Variants in PRDM10 observed in about 807,000 individuals in gnomAD.
PRDM10 encodes the protein PR domain zinc finger protein 10.
A neutral mutation model predicts 133.1 loss-of-function variants in PRDM10; 65 were observed. The observed-to-expected ratio is 0.49, with a 90% CI of 0.40 to 0.60. The LOEUF (loss-of-function observed/expected upper bound fraction) is 0.60. Among genes scored for constraint, PRDM10 ranks in the 20% least tolerant of loss-of-function variants. The pLI is 0.00. For synonymous variants in PRDM10, 582 were observed against 580.4 expected (o/e 1.00, Z -0.04); for missense variants, 1,137 against 1,507.1 (o/e 0.75, Z 4.07).
In PRDM10 at chr11:129,917,156, G is replaced by A. The variant is rs1162981735; in HGVS notation, c.2296C>T (p.Arg766Cys). Reference sequence around the variant, plus strand: ...TCGCAATACTGACAAAAGTAATCACGATTGGGTTTTATGATGGGTAGAGTT... The same window carrying A: ...TCGCAATACTGACAAAAGTAATCACAATTGGGTTTTATGATGGGTAGAGTT... The part of the protein sequence containing the change: ...ELTLPIIKPN[R>C]DYFCQYCDKV... The change falls in exon 15 of 21, where the codon CGT becomes TGT. Residue 766 changes from arginine to cysteine, a missense_variant. By Grantham distance (180) the Arg-to-Cys change is radical. Around this residue, in one of 6 missense-constraint regions of PRDM10, gnomAD observed 65 missense variants for 151.1 expected, o/e 0.43. Coordinates refer to ENST00000360871, the MANE Select transcript of PRDM10 (RefSeq NM_199437.2). 3.7e-6 allele frequency: 6 copies of A among 1,612,906 alleles called. No individual in the cohort carries two copies. The highest frequency in any genetic ancestry group is 1.7e-5 in the Admixed American group (1 of 59,970).
At chr11:129,925,255 AT>A (rs1373060245) in intron 11 of PRDM10, 26 bp from the exon 12 acceptor site, 1 of 1,562,544 alleles carries the variant, frequency 6.4e-7, no homozygotes, top group African/African-American at 1.4e-5. Flanking sequence ...AAATGTGATC[AT>A]TTAGTGATGA....
intron 1 of PRDM10, among the ~76,000 whole-genome samples, chr11:129,968,959 A>G (rs1176631686): frequency 1.3e-5 from 2 of 152,178 alleles, no homozygotes; most frequent in Non-Finnish European, 2.9e-5. Flanking sequence ...CAGTGGAAAA[A>G]CCTCAAGGCA....
intron 6 of PRDM10, 110 bp from the exon 7 acceptor site, chr11:129,942,739 T>G: frequency 1.0e-6 from 1 of 971,860 alleles, no homozygotes; most frequent in South Asian, 1.7e-5. Flanking sequence ...CTATACATCC[T>G]GGCTCTTTCC....
At chr11:129,908,387 T>A (rs1950078329) in intron 19 of PRDM10, among the ~76,000 whole-genome samples, 1 of 89,254 alleles carries the variant, frequency 1.1e-5, no homozygotes, top group Admixed American at 1.4e-4. Context: ...AGTGGGTGGA[T>A]CACTTGAGTC....
intron 4 of PRDM10, among the ~76,000 whole-genome samples, chr11:129,949,364 G>C (rs1465309966): frequency 6.6e-6 from 1 of 152,212 alleles, no homozygotes; most frequent in Non-Finnish European, 1.5e-5. Context: ...GCCAGTAGCA[G>C]AGTGTATAGC....
intron 11 of PRDM10, among the ~76,000 whole-genome samples, chr11:129,929,223 G>T (rs951716788): frequency 6.6e-6 from 1 of 152,138 alleles, no homozygotes; most frequent in Non-Finnish European, 1.5e-5. Context: ...TGTATATGAG[G>T]AACCTGCAGC....
rs1209093841 is a variant in PRDM10 at position 129,942,299 on chromosome 11, T to A, written c.966+127A>T. The A allele has an allele frequency of 4.9e-6, 4 of 821,632 alleles. No individual in the cohort carries two copies. In the Admixed American group the frequency reaches 1.1e-4, roughly 22 times the overall value. The allele number at this position is 821,632 out of a possible 1,614,324, so 50.9% of individuals were successfully genotyped here. A position where few individuals can be genotyped will look rare whatever the true frequency, so the allele number is the denominator to read the frequency against. ...GGTAGCTACTCAATAAGTATGTGAA[T>A]AACCAGAAAATGACCCCCCTCCCCC... is the stretch of plus-strand genomic sequence containing the variant. On this transcript the variant is annotated intron_variant, in intron 7 of 20. Coordinates refer to ENST00000360871, the MANE Select transcript of PRDM10 (RefSeq NM_199437.2).
chr11:129,931,639 C>A (rs61913710), intron 10 of PRDM10, among the ~76,000 whole-genome samples: 45,062 of 150,272 alleles, frequency 0.3, 6,835 homozygotes, highest in Middle Eastern at 0.33. Context: ...GCGATCTCGA[C>A]TCACTGCAAG....
intron 11 of PRDM10, 141 bp downstream of exon 11, chr11:129,930,875 A>G: frequency 3.1e-6 from 4 of 1,303,846 alleles, no homozygotes; most frequent in Non-Finnish European, 4.2e-6. Context: ...ACTTTCTTTC[A>G]AAATAAGGGG....
chr11:129,934,315 G>C (rs1485893121), intron 9 of PRDM10, among the ~76,000 whole-genome samples: 1 of 152,128 alleles, frequency 6.6e-6, no homozygotes, highest in African/African-American at 2.4e-5. Context: ...TACTTCCCTA[G>C]AACATTCGCT....
chr11:129,913,059 C>CA (rs36096047), intron 17 of PRDM10, among the ~76,000 whole-genome samples: 32 of 144,120 alleles, frequency 2.2e-4, no homozygotes, highest in East Asian at 4.1e-4. Flanking sequence ...GACTCCATCT[C>CA]AAAAAAAAAA....
At chr11:129,976,946 T>TA (rs1937791437) in intron 1 of PRDM10, among the ~76,000 whole-genome samples, 1 of 152,034 alleles carries the variant, frequency 6.6e-6, no homozygotes, top group African/African-American at 2.4e-5. Flanking sequence ...TGAGAAAAGA[T>TA]AAAAATGACT....
rs189848414 is a variant in PRDM10 at position 129,975,357 on chromosome 11, G to A, written c.-118-14275C>T. On this transcript the variant is annotated intron_variant, in intron 1 of 20. Coordinates refer to ENST00000360871, the MANE Select transcript of PRDM10 (RefSeq NM_199437.2). ...GAGAATTGCTTGAACCTGGGGAGGC[G>A]GAGGTTGCAGTGAGCTAAGATCATG... 3.9e-5 allele frequency among the ~76,000 whole-genome samples: 6 copies of A among 152,018 alleles called. No individual in the cohort carries two copies. The East Asian group carries it at 7.7e-4, about 20-fold the overall frequency.
At chr11:129,941,036 T>A (rs1365701242) in intron 7 of PRDM10, among the ~76,000 whole-genome samples, 1 of 152,196 alleles carries the variant, frequency 6.6e-6, no homozygotes, top group Non-Finnish European at 1.5e-5. Flanking sequence ...GAGATAGGAA[T>A]CTCCTTTTAC....
rs76529640 is a variant in PRDM10 at position 129,927,999 on chromosome 11, G to T, written c.1531-2770C>A. Among the ~76,000 whole-genome samples the T allele has an allele frequency of 3.9e-3, 587 of 152,252 alleles. 2 individuals are homozygous for T. Among genetic ancestry groups the T allele is most frequent in the African/African-American group, 0.013 (542 of 41,546 alleles). ...CAGCTACTCTAGGGATACCAAAATC[G>T]TATTGTTGCTAAATTCTGTGATTTG... On this transcript the variant is annotated intron_variant, in intron 11 of 20. Transcript: ENST00000360871.
intron 10 of PRDM10, among the ~76,000 whole-genome samples, chr11:129,931,771 T>C (rs895044741): frequency 2.6e-5 from 4 of 152,016 alleles, no homozygotes; most frequent in African/African-American, 4.8e-5. Flanking sequence ...GGTTTCACCG[T>C]GTTAGCCAGG....
At position 129,917,143 on chromosome 11, in the gene PRDM10, C is replaced by T; in HGVS notation, c.2309G>A (p.Cys770Tyr). 1 of 1,611,156 alleles carries T rather than the reference C, an allele frequency of 6.2e-7. No homozygotes were observed. The highest frequency in any genetic ancestry group is 1.1e-5 in the South Asian group (1 of 90,958). ...CCCTTTTACCTTATCGCAATACTGACAAAAGTAATCACGATTGGGTTTTAT... is the reference window on the plus strand; with the variant it reads ...CCCTTTTACCTTATCGCAATACTGATAAAAGTAATCACGATTGGGTTTTAT... ...PIIKPNRDYF[C>Y]QYCDKVYKSA... The change falls in exon 15 of 21, where the codon TGT becomes TAT. Residue 770 changes from cysteine (C) to tyrosine (Y), a missense_variant. Cys to Tyr is a radical substitution (Grantham distance 194, BLOSUM62 -2). Coordinates refer to ENST00000360871, the MANE Select transcript of PRDM10 (RefSeq NM_199437.2).
rs771932135 is a variant in PRDM10, at chr11:129,900,395, A to G, written c.*1918T>C. The stretch of plus-strand genomic sequence containing the variant: ...AGAAGACAACTTAGAAGGGAAAGCA[A>G]CAAAGAGGTCCTTCCACAATATTTT... On this transcript the variant is annotated 3_prime_UTR_variant, in exon 21 of 21. Coordinates refer to ENST00000360871, the MANE Select transcript of PRDM10 (RefSeq NM_199437.2). 5.2e-5 allele frequency: 8 copies of G among 152,950 alleles called. No homozygotes were observed. The highest frequency in any genetic ancestry group is 1.0e-4 in the Non-Finnish European group (7 of 68,036). The allele number at this position is 152,950 out of a possible 1,614,324, so 9.5% of individuals were successfully genotyped here. A position where few individuals can be genotyped will look rare whatever the true frequency, so the allele number is the denominator to read the frequency against.
intron 1 of PRDM10, among the ~76,000 whole-genome samples, chr11:129,980,131 C>T (rs1465141931): frequency 6.6e-6 from 1 of 152,204 alleles, no homozygotes; most frequent in Non-Finnish European, 1.5e-5. Flanking sequence ...GGAAAACAAG[C>T]TGGCAGTTCC....
Sources: allele counts gnomAD v4.1 joint callset (sites outside exome capture counted in the v4.1 genomes callset), GRCh38; gene constraint gnomAD v4.1.1; regional missense constraint gnomAD v4.1.1; transcripts MANE v1.5; gene names NCBI Gene and HGNC (gene_info 2026-07-23, HGNC 2026-07-21).